Variants in CTNND2 observed in about 807,000 individuals in gnomAD.
The protein encoded by CTNND2 is catenin delta 2.
A neutral mutation model predicts 144.4 loss-of-function variants in CTNND2; 22 were observed. That is an observed-to-expected ratio of 0.15 (90% CI 0.11 to 0.22). The LOEUF (loss-of-function observed/expected upper bound fraction) is 0.22. CTNND2 is among the 10% of genes least tolerant of loss of function. CTNND2 has a pLI of 1.00. For missense variants in CTNND2, 1,353 were observed against 1,618.8 expected (o/e 0.84, Z 2.82); for synonymous variants, 751 against 695.6 (o/e 1.08, Z -1.25).
At chr5:11,628,652 A>C (rs1299265932) in intron 2 of CTNND2, among the ~76,000 whole-genome samples, 1 of 152,134 alleles carries the variant, frequency 6.6e-6, no homozygotes, top group Non-Finnish European at 1.5e-5. Flanking sequence ...ATAAGACTCT[A>C]TGCTACATTA....
intron 12 of CTNND2, among the ~76,000 whole-genome samples, chr5:11,143,574 T>A (rs1489114711): frequency 6.6e-6 from 1 of 152,202 alleles, no homozygotes; most frequent in South Asian, 2.1e-4. Context: ...TAATGATCAG[T>A]CACATTGGAT....
At chr5:11,195,953 T>C (rs1736817331) in intron 11 of CTNND2, among the ~76,000 whole-genome samples, 1 of 152,244 alleles carries the variant, frequency 6.6e-6, no homozygotes. Flanking sequence ...AGAAAATTAT[T>C]TATTGCAAGA....
At chr5:11,636,827 G>C (rs963025377) in intron 2 of CTNND2, among the ~76,000 whole-genome samples, 2 of 152,150 alleles carry the variant, frequency 1.3e-5, no homozygotes, top group African/African-American at 4.8e-5. Flanking sequence ...ATGAAGAAGG[G>C]GCAGTGGAGA....
chr5:11,897,980 C>A (rs546021413), intron 1 of CTNND2, among the ~76,000 whole-genome samples: 1 of 152,296 alleles, frequency 6.6e-6, no homozygotes, highest in African/African-American at 2.4e-5. Context: ...AGCAGCTTGC[C>A]TTGCTGCTTC....
intron 2 of CTNND2, among the ~76,000 whole-genome samples, chr5:11,715,395 T>C (rs2126703953): frequency 6.6e-6 from 1 of 152,314 alleles, no homozygotes; most frequent in Non-Finnish European, 1.5e-5. Context: ...TTGTAACCAT[T>C]CCTTCTGAGT....
intron 2 of CTNND2, among the ~76,000 whole-genome samples, chr5:11,632,254 C>T (rs978958621): frequency 1.3e-5 from 2 of 152,030 alleles, no homozygotes; most frequent in Non-Finnish European, 2.9e-5. Flanking sequence ...CAGACGTATA[C>T]CAGCAGGAAG....
intron 3 of CTNND2, among the ~76,000 whole-genome samples, chr5:11,499,012 T>C (rs769578396): frequency 5.3e-5 from 8 of 152,208 alleles, no homozygotes; most frequent in Non-Finnish European, 8.8e-5. Context: ...CTGGAATCCT[T>C]TCTTCTGTGC....
chr5:11,678,198 A>C (rs2126619466), intron 2 of CTNND2, among the ~76,000 whole-genome samples: 1 of 152,312 alleles, frequency 6.6e-6, no homozygotes, highest in Admixed American at 6.5e-5. Context: ...TTAGAAAACT[A>C]ATGTATCAGA....
intron 13 of CTNND2, among the ~76,000 whole-genome samples, chr5:11,111,409 C>T (rs547781225): frequency 1.9e-4 from 29 of 152,170 alleles, no homozygotes; most frequent in African/African-American, 6.3e-4. Context: ...GATTGGGGAT[C>T]GGGTAATGAG....
At chr5:11,076,503 A>G (rs1470799270) in intron 16 of CTNND2, among the ~76,000 whole-genome samples, 1 of 152,200 alleles carries the variant, frequency 6.6e-6, no homozygotes, top group Non-Finnish European at 1.5e-5. Flanking sequence ...TAAACCTTCC[A>G]TACTCAGAAG....
chr5:11,865,387 T>C (rs1795714348), intron 1 of CTNND2, among the ~76,000 whole-genome samples: 2 of 151,866 alleles, frequency 1.3e-5, no homozygotes, highest in Non-Finnish European at 1.5e-5. Flanking sequence ...GGAAGAACTA[T>C]GTGTTTTGAG....
intron 9 of CTNND2, among the ~76,000 whole-genome samples, chr5:11,316,117 C>CA (rs1751447147): frequency 1.3e-5 from 2 of 152,232 alleles, no homozygotes; most frequent in African/African-American, 4.8e-5. Context: ...AAAACAAAAA[C>CA]AAAAAATCTA....
chr5:11,497,480 T>C (rs1770065129), intron 3 of CTNND2, among the ~76,000 whole-genome samples: 1 of 113,256 alleles, frequency 8.8e-6, no homozygotes, highest in Admixed American at 1.3e-4. Flanking sequence ...AGGAATGATA[T>C]GTTGACATCC....
At chr5:11,216,678 A>C (rs1441039243) in intron 10 of CTNND2, among the ~76,000 whole-genome samples, 1 of 152,182 alleles carries the variant, frequency 6.6e-6, no homozygotes, top group African/African-American at 2.4e-5. Flanking sequence ...TGAAGTCACT[A>C]AGGGTGTGGA....
intron 9 of CTNND2, among the ~76,000 whole-genome samples, chr5:11,319,957 C>T (rs1196907770): frequency 2.0e-5 from 3 of 152,154 alleles, no homozygotes; most frequent in African/African-American, 2.4e-5. Context: ...ATGAAGTTGT[C>T]AGGCCCGCTT....
rs190835304 is a variant in CTNND2, at chr5:11,727,004, G to A, written c.174+5132C>T. ...GAGAGCATCAGGAAGCAGGGGTGGAGAGACAGAGATGATCTATCCAGAGTT... is the reference window on the plus strand; with the variant it reads ...GAGAGCATCAGGAAGCAGGGGTGGAAAGACAGAGATGATCTATCCAGAGTT... On this transcript the variant is annotated intron_variant, in intron 2 of 21. Coordinates refer to ENST00000304623, the MANE Select transcript of CTNND2 (RefSeq NM_001332.4). 3.9e-5 allele frequency among the ~76,000 whole-genome samples: 6 copies of A among 152,264 alleles called. No homozygotes were observed. In the East Asian group the frequency reaches 1.2e-3, roughly 29 times the overall value.
At chr5:11,303,697 T>C (rs943376357) in intron 9 of CTNND2, among the ~76,000 whole-genome samples, 4 of 152,144 alleles carry the variant, frequency 2.6e-5, no homozygotes, top group African/African-American at 9.7e-5. Flanking sequence ...AAGTATGTGG[T>C]AATGGGAAAC....
At chr5:11,483,907 G>C (rs1200304077) in intron 3 of CTNND2, among the ~76,000 whole-genome samples, 1 of 152,204 alleles carries the variant, frequency 6.6e-6, no homozygotes, top group Non-Finnish European at 1.5e-5. Context: ...CCCAAGGGAT[G>C]GAAAACTGGA....
chr5:11,267,131 G>C (rs1026005547), intron 9 of CTNND2, among the ~76,000 whole-genome samples: 3 of 152,110 alleles, frequency 2.0e-5, no homozygotes, highest in African/African-American at 7.2e-5. Context: ...CACCCACCTC[G>C]GCCTCCCAAA....
Sources: gnomAD v4.1 joint callset for allele counts (sites outside exome capture counted in the v4.1 genomes callset) on GRCh38, gnomAD v4.1.1 for gene constraint, MANE v1.5 for transcripts, NCBI Gene and HGNC (gene_info 2026-07-23, HGNC 2026-07-21) for gene names.